Variants in CYP4B1 observed in about 807,000 individuals in gnomAD.
The protein encoded by CYP4B1 is cytochrome P450 family 4 subfamily B member 1.
A neutral mutation model predicts 54.0 loss-of-function variants in CYP4B1; 45 were observed. That is an observed-to-expected ratio of 0.83 (90% CI 0.66 to 1.07). The LOEUF (loss-of-function observed/expected upper bound fraction) is 1.07, where lower values mean the gene tolerates loss of function less well. Ranked by LOEUF, CYP4B1 falls within the 50% of genes least tolerant of loss-of-function variation. The pLI is 0.00. For missense variants in CYP4B1, 656 were observed against 655.4 expected (o/e 1.00, Z -0.01); for synonymous variants, 248 against 247.5 (o/e 1.00, Z -0.02).
chr1:46,804,963 T>C (rs894001844), intron 1 of CYP4B1, among the ~76,000 whole-genome samples: 3 of 152,208 alleles, frequency 2.0e-5, no homozygotes, highest in African/African-American at 7.2e-5. Context: ...GAAATTGTAT[T>C]CTTGGTGTAT....
At chr1:46,800,103 C>T (rs1035500641) in intron 1 of CYP4B1, among the ~76,000 whole-genome samples, 3 of 152,092 alleles carry the variant, frequency 2.0e-5, no homozygotes, top group South Asian at 4.2e-4. Flanking sequence ...GTAGAGATGC[C>T]AGAGACTTTT....
At chr1:46,809,777 A>G (rs1569882483) in intron 1 of CYP4B1, among the ~76,000 whole-genome samples, 1 of 152,378 alleles carries the variant, frequency 6.6e-6, no homozygotes, top group African/African-American at 2.4e-5. Flanking sequence ...AGTTAAATAC[A>G]TTATGGTACA....
Position 46,816,930 on chromosome 1 carries a change from G to C in CYP4B1, c.1074-118G>C, listed in dbSNP as rs566196007. ...TGGCCAGGGGCACTTGGAACTCTGT[G>C]CCTCTGACTCTTGAGTGTGTGGTGG... On this transcript the variant is annotated intron_variant, in intron 8 of 11. Transcript: ENST00000371923. 8 of 1,207,666 alleles carry C rather than the reference G, an allele frequency of 6.6e-6. No homozygotes were observed. In the African/African-American group the frequency reaches 1.2e-4, roughly 18 times the overall value. 74.8% of individuals were successfully genotyped at this position (1,207,666 alleles called of 1,614,324 possible). A position where few individuals can be genotyped will look rare whatever the true frequency, so the allele number is the denominator to read the frequency against.
At chr1:46,814,413 C>CT (rs1553132660) in intron 7 of CYP4B1, 98 bp downstream of exon 7, 1 of 836,034 alleles carries the variant, frequency 1.2e-6, no homozygotes, top group Non-Finnish European at 1.9e-6. Flanking sequence ...AGCATTTCCC[C>CT]CTTTCCTCAG....
chr1:46,813,035 C>T (rs1283414152), intron 4 of CYP4B1, among the ~76,000 whole-genome samples: 1 of 152,168 alleles, frequency 6.6e-6, no homozygotes, highest in African/African-American at 2.4e-5. Context: ...AGAATTATGT[C>T]AATACAACTC....
chr1:46,818,232 T>A lies in CYP4B1; in HGVS notation c.1355+19T>A, dbSNP rs770694733. On this transcript the variant is annotated intron_variant, in intron 11 of 11. Transcript: ENST00000371923. ...GGCCCAGGTATGGAGAGACCCAGTA[T>A]CCCAGGCCCTCAGGACTGGGGAGGA... The A allele has an allele frequency of 1.2e-6, 2 of 1,608,378 alleles. No individual in the cohort carries two copies. The highest frequency in any genetic ancestry group is 2.2e-5 in the South Asian group (2 of 90,942).
intron 1 of CYP4B1, among the ~76,000 whole-genome samples, chr1:46,800,084 G>C (rs912298787): frequency 2.0e-5 from 3 of 152,068 alleles, no homozygotes; most frequent in African/African-American, 7.2e-5. Context: ...GCCAGCTTGG[G>C]GAATCCAGGT....
At chr1:46,809,107 C>G (rs1198861835) in intron 1 of CYP4B1, among the ~76,000 whole-genome samples, 1 of 146,338 alleles carries the variant, frequency 6.8e-6, no homozygotes, top group Non-Finnish European at 1.5e-5. Flanking sequence ...TACCCTAAAA[C>G]TTAAAGTATA....
At position 46,810,872 on chromosome 1, in the gene CYP4B1, C is replaced by A; in HGVS notation, c.245C>A (p.Pro82Gln). The part of the protein sequence containing the change: ...SWAHQFPYAH[P>Q]LWFGQFIGFL... ...GCCCACCAGTTCCCGTATGCCCACC[C>A]ACTCTGGTTCGGACAGTTCATTGGC... Residue 82 changes from proline (P) to glutamine (Q), a missense_variant, in exon 2 of 12, where the codon CCA becomes CAA. Pro to Gln is a moderately conservative substitution (Grantham distance 76). Transcript: ENST00000371923. 1.2e-6 allele frequency: 2 copies of A among 1,614,142 alleles called. No homozygotes were observed. The highest frequency in any genetic ancestry group is 1.7e-6 in the Non-Finnish European group (2 of 1,180,002).
intron 1 of CYP4B1, among the ~76,000 whole-genome samples, chr1:46,807,554 C>T (rs1031333767): frequency 6.6e-6 from 1 of 152,156 alleles, no homozygotes; most frequent in Admixed American, 6.5e-5. Flanking sequence ...GGATACCAGC[C>T]AGGAGGGAGG....
At chr1:46,813,807 C>T in intron 5 of CYP4B1, 102 bp from the exon 6 acceptor site, 1 of 1,479,862 alleles carries the variant, frequency 6.8e-7, no homozygotes, top group Non-Finnish European at 9.3e-7. Flanking sequence ...AGAAGAAGAG[C>T]AGGATGCTCT....
At chr1:46,810,682 G>T in intron 1 of CYP4B1, 126 bp from the exon 2 acceptor site, 2 of 896,284 alleles carry the variant, frequency 2.2e-6, no homozygotes, top group East Asian at 2.4e-5. Flanking sequence ...AGAAGAGGGT[G>T]CAGGAGAGGT....
intron 8 of CYP4B1, among the ~76,000 whole-genome samples, chr1:46,816,405 G>A (rs576697518): frequency 5.3e-5 from 8 of 152,202 alleles, no homozygotes; most frequent in East Asian, 3.9e-4. Flanking sequence ...TTATTTTCAC[G>A]TCATTCCATC....
At chr1:46,813,655 G>T (rs1254313345) in intron 5 of CYP4B1, 49 bp downstream of exon 5, 1 of 1,609,270 alleles carries the variant, frequency 6.2e-7, no homozygotes, top group Admixed American at 1.7e-5. Flanking sequence ...AGCCATCTTA[G>T]AGGGGAGAGT....
At chr1:46,809,996 T>C (rs149250300) in intron 1 of CYP4B1, among the ~76,000 whole-genome samples, 2 of 152,306 alleles carry the variant, frequency 1.3e-5, no homozygotes, top group Non-Finnish European at 2.9e-5. Context: ...CTGGATGACC[T>C]ATTCAAGCTC....
intron 1 of CYP4B1, chr1:46,806,832 C>T (rs756005822): frequency 2.0e-5 from 3 of 152,248 alleles, no homozygotes; most frequent in Admixed American, 6.5e-5. Flanking sequence ...CAAGCCGTCC[C>T]AGAACTTCCA....
intron 8 of CYP4B1, 47 bp from the exon 9 acceptor site, chr1:46,817,001 T>A (rs373149273): frequency 2.0e-5 from 32 of 1,605,198 alleles, no homozygotes; most frequent in Non-Finnish European, 2.6e-5. Context: ...TCTCGCCAAA[T>A]CCTGTTGCTT....
chr1:46,816,903 C>A, intron 8 of CYP4B1, 145 bp from the exon 9 acceptor site: 1 of 903,174 alleles, frequency 1.1e-6, no homozygotes, highest in Non-Finnish European at 1.8e-6. Context: ...TCAGGCCTAG[C>A]CTGGCCAGGG....
At chr1:46,811,351 C>T (rs1316721306) in intron 3 of CYP4B1, among the ~76,000 whole-genome samples, 167 bp downstream of exon 3, 5 of 152,210 alleles carry the variant, frequency 3.3e-5, no homozygotes, top group African/African-American at 9.7e-5. Flanking sequence ...AGCAGGAGAG[C>T]CCCCAGCTGT....
Sources: gnomAD v4.1 joint callset for allele counts (sites outside exome capture counted in the v4.1 genomes callset) on GRCh38, gnomAD v4.1.1 for gene constraint, MANE v1.5 for transcripts, NCBI Gene and HGNC (gene_info 2026-07-23, HGNC 2026-07-21) for gene names.